The following VWA8 variants were observed in gnomAD, a reference collection of about 807,000 sequenced individuals.
VWA8 encodes von Willebrand factor A domain-containing protein 8.
A neutral mutation model predicts 241.5 loss-of-function variants in VWA8; 221 were observed. The ratio of observed to expected loss-of-function variants is 0.91; its 90% CI spans 0.82 to 1.02. The LOEUF (loss-of-function observed/expected upper bound fraction) is 1.02, where lower values mean the gene tolerates loss of function less well. Among genes scored for constraint, VWA8 ranks in the 50% least tolerant of loss-of-function variants. VWA8 has a pLI of 0.00. For synonymous variants in VWA8, 852 were observed against 827.1 expected, an observed-to-expected ratio of 1.03 and a Z score of -0.52; for missense variants, 2,322 against 2,328.7, an observed-to-expected ratio of 1.00 and a Z score of 0.06.
At position 41,833,507 on chromosome 13, in the gene VWA8, G is replaced by A. The variant is rs1284867196; in HGVS notation, c.1450C>T (p.Gln484Ter). 9 of 1,612,016 alleles carry A rather than the reference G, an allele frequency of 5.6e-6. No homozygotes were observed. Among genetic ancestry groups the A allele is most frequent in the Non-Finnish European group, 6.8e-6 (8 of 1,179,322 alleles). ...YQDMTARDLL[Q>*]QRYTLPNGDT... ...CCATTTGGAAGGGTGTATCTCTGCT[G>A]TAGCAGATCACGCGCTGTCATATCC... Residue 484 changes from glutamine to a stop codon, truncating the protein, a stop_gained, in exon 13 of 45, where the codon CAG becomes TAG. Coordinates refer to ENST00000379310, the MANE Select transcript of VWA8 (RefSeq NM_015058.2). LOFTEE classifies it high-confidence loss of function.
At chr13:41,699,343 A>G (rs2137825447) in intron 28 of VWA8, 73 bp from the exon 29 acceptor site, 2 of 1,420,046 alleles carry the variant, frequency 1.4e-6, no homozygotes, top group East Asian at 2.3e-5. Context: ...TCTAGTGAAA[A>G]CTGAATCATG....
intron 27 of VWA8, among the ~76,000 whole-genome samples, chr13:41,701,943 T>G (rs546708642): frequency 6.6e-6 from 1 of 152,370 alleles, no homozygotes; most frequent in East Asian, 1.9e-4. Context: ...GATTTTTATG[T>G]CATTACACAG....
chr13:41,878,472 T>C (rs938877495), intron 9 of VWA8, among the ~76,000 whole-genome samples: 1 of 152,004 alleles, frequency 6.6e-6, no homozygotes, highest in Non-Finnish European at 1.5e-5. Flanking sequence ...TTTAAGATGC[T>C]AATCTGGTTG....
At chr13:41,644,499 G>T (rs1457389212) in intron 37 of VWA8, among the ~76,000 whole-genome samples, 1 of 152,252 alleles carries the variant, frequency 6.6e-6, no homozygotes, top group Non-Finnish European at 1.5e-5. Context: ...CCCCATGCCT[G>T]TGTGTGTTTT....
intron 21 of VWA8, among the ~76,000 whole-genome samples, chr13:41,732,985 T>C (rs1467552115): frequency 2.6e-5 from 4 of 152,220 alleles, no homozygotes; most frequent in Non-Finnish European, 5.9e-5. Flanking sequence ...TTAGAACTAC[T>C]TTAAAAATAT....
intron 29 of VWA8, among the ~76,000 whole-genome samples, chr13:41,697,314 A>G (rs1423373384): frequency 6.6e-6 from 1 of 152,216 alleles, no homozygotes; most frequent in Non-Finnish European, 1.5e-5. Context: ...TAGCACCTAC[A>G]GACTATTCAC....
chr13:41,960,093 G>A (rs993464610), intron 1 of VWA8, among the ~76,000 whole-genome samples: 2 of 152,130 alleles, frequency 1.3e-5, no homozygotes, highest in African/African-American at 4.8e-5. Flanking sequence ...AACCATCACA[G>A]TAACTCTAAC....
At chr13:41,751,639 G>A (rs2045656784) in intron 21 of VWA8, among the ~76,000 whole-genome samples, 1 of 149,988 alleles carries the variant, frequency 6.7e-6, no homozygotes, top group Admixed American at 6.8e-5. Context: ...GCTTTGTAAA[G>A]CATGTCATCA....
intron 20 of VWA8, among the ~76,000 whole-genome samples, chr13:41,771,620 C>G (rs2045823839): frequency 6.6e-6 from 1 of 151,948 alleles, no homozygotes; most frequent in Admixed American, 6.6e-5. Flanking sequence ...GCTCTGTCAC[C>G]CAGGCTGGAG....
intron 16 of VWA8, among the ~76,000 whole-genome samples, chr13:41,811,788 CCA>C: frequency 6.6e-6 from 1 of 152,262 alleles, no homozygotes; most frequent in South Asian, 2.1e-4. Flanking sequence ...AGGCTGTTGG[CCA>C]CAGAGGTGTC....
chr13:41,588,516 T>C (rs2044434147), intron 41 of VWA8, among the ~76,000 whole-genome samples: 1 of 151,862 alleles, frequency 6.6e-6, no homozygotes, highest in Admixed American at 6.6e-5. Context: ...AGGCCAAGGG[T>C]TCAATACCAG....
At chr13:41,610,516 G>A (rs1480748640) in intron 39 of VWA8, among the ~76,000 whole-genome samples, 2 of 152,210 alleles carry the variant, frequency 1.3e-5, no homozygotes, top group Non-Finnish European at 2.9e-5. Context: ...GTCTGAGCTG[G>A]CAGGCTTTCC....
chr13:41,857,700 A>G (rs948102813), intron 12 of VWA8, among the ~76,000 whole-genome samples: 5 of 152,308 alleles, frequency 3.3e-5, no homozygotes, highest in African/African-American at 9.6e-5. Context: ...ATGACATTTA[A>G]TGAAAATGTC....
intron 18 of VWA8, among the ~76,000 whole-genome samples, chr13:41,787,154 C>T (rs189254260): frequency 6.9e-6 from 1 of 145,354 alleles, no homozygotes; most frequent in East Asian, 2.0e-4. Context: ...AGTTGATTTA[C>T]AGCAGGAATT....
intron 17 of VWA8, among the ~76,000 whole-genome samples, chr13:41,799,480 A>G (rs1869851001): frequency 6.6e-6 from 1 of 152,188 alleles, no homozygotes; most frequent in Non-Finnish European, 1.5e-5. Flanking sequence ...CCAGGGAGAC[A>G]GTAAGCTTTC....
chr13:41,732,231 G>A (rs1055645326), intron 21 of VWA8, 76 bp from the exon 22 acceptor site: 7 of 1,372,696 alleles, frequency 5.1e-6, no homozygotes, highest in African/African-American at 4.4e-5. Context: ...ATACAGCACA[G>A]GTGCATTTTT....
chr13:41,797,155 C>T (rs941163371), intron 17 of VWA8, among the ~76,000 whole-genome samples: 6 of 151,862 alleles, frequency 4.0e-5, no homozygotes, highest in Non-Finnish European at 7.4e-5. Context: ...ATCAGCCTCC[C>T]AGGCAGCTGG....
chr13:41,720,878 T>C (rs931208569), intron 25 of VWA8, among the ~76,000 whole-genome samples: 3 of 152,322 alleles, frequency 2.0e-5, no homozygotes, highest in Non-Finnish European at 4.4e-5. Flanking sequence ...GAGTACACAT[T>C]GTACATGGTC....
intron 33 of VWA8, 109 bp from the exon 34 acceptor site, chr13:41,689,617 A>C: frequency 8.8e-7 from 1 of 1,136,442 alleles, no homozygotes; most frequent in South Asian, 2.6e-5. Flanking sequence ...AAGTTAAAAA[A>C]GAGAAAACAT....
Sources: allele counts gnomAD v4.1 joint callset (sites outside exome capture counted in the v4.1 genomes callset), GRCh38; gene constraint gnomAD v4.1.1; transcripts MANE v1.5; gene names NCBI Gene and HGNC (gene_info 2026-07-23, HGNC 2026-07-21).